TASP1: variants seen among roughly 807,000 people sequenced by gnomAD.
TASP1 encodes the protein threonine aspartase 1.
Under a neutral mutation model 56.6 loss-of-function variants are expected in TASP1, and 16 were observed. That is an observed-to-expected ratio of 0.28 (90% CI 0.19 to 0.43). TASP1 has a LOEUF of 0.43. Ranked by LOEUF, TASP1 falls within the 20% of genes least tolerant of loss-of-function variation. TASP1 has a pLI of 1.00. For synonymous variants in TASP1, 179 were observed against 184.2 expected (o/e 0.97, Z 0.23); for missense variants, 393 against 511.6 (o/e 0.77, Z 2.24).
At chr20:13,580,225 T>A (rs144934499) in intron 6 of TASP1, among the ~76,000 whole-genome samples, 1 of 152,194 alleles carries the variant, frequency 6.6e-6, no homozygotes, top group Non-Finnish European at 1.5e-5. Flanking sequence ...GGCAGGAGGA[T>A]TGCTTGAGTC....
intron 13 of TASP1, among the ~76,000 whole-genome samples, chr20:13,391,189 T>C (rs138291627): frequency 1.3e-3 from 199 of 152,270 alleles, no homozygotes; most frequent in African/African-American, 4.6e-3. Flanking sequence ...ATTTCTCCTA[T>C]AGTCTTTGTA....
At chr20:13,134,094 T>C in the TASP1 span, among the ~76,000 whole-genome samples, 2 of 152,148 alleles carry the variant, frequency 1.3e-5, no homozygotes, top group Admixed American at 1.3e-4. Flanking sequence ...ACTGTCACGG[T>C]CAGGTGTACG....
the TASP1 span, among the ~76,000 whole-genome samples, chr20:13,282,224 C>T: frequency 2.0e-5 from 3 of 152,094 alleles, no homozygotes; most frequent in Non-Finnish European, 4.4e-5. Flanking sequence ...TCCCAGGCAT[C>T]GTTGTCTTTT....
the TASP1 span, among the ~76,000 whole-genome samples, chr20:13,317,311 A>G: frequency 1.3e-5 from 2 of 152,026 alleles, no homozygotes; most frequent in Non-Finnish European, 2.9e-5. Flanking sequence ...AAGTAAATAA[A>G]TTGAGAGATA....
At chr20:13,428,785 C>T (rs2042702026) in intron 12 of TASP1, among the ~76,000 whole-genome samples, 1 of 151,412 alleles carries the variant, frequency 6.6e-6, no homozygotes, top group South Asian at 2.1e-4. Flanking sequence ...CCAACATTTC[C>T]AACCAATATT....
chr20:13,247,469 G>A, the TASP1 span, among the ~76,000 whole-genome samples: 4 of 151,684 alleles, frequency 2.6e-5, no homozygotes, highest in South Asian at 2.1e-4. Context: ...GGACACCTTC[G>A]CCGGATGCTG....
At chr20:13,281,886 T>A in the TASP1 span, among the ~76,000 whole-genome samples, 1 of 152,178 alleles carries the variant, frequency 6.6e-6, no homozygotes, top group Non-Finnish European at 1.5e-5. Flanking sequence ...AGTTGCATGT[T>A]TAAAAATGCC....
intron 8 of TASP1, among the ~76,000 whole-genome samples, chr20:13,543,591 A>T (rs1187787073): frequency 6.6e-6 from 1 of 152,002 alleles, no homozygotes; most frequent in African/African-American, 2.4e-5. Flanking sequence ...ACCCAGCGAG[A>T]CTCCATCTCA....
At chr20:13,492,461 T>C (rs1224730230) in intron 10 of TASP1, among the ~76,000 whole-genome samples, 1 of 152,202 alleles carries the variant, frequency 6.6e-6, no homozygotes, top group Non-Finnish European at 1.5e-5. Context: ...TTACTTCTGG[T>C]TTTCAAGCCT....
the TASP1 span, among the ~76,000 whole-genome samples, chr20:13,131,194 A>T: frequency 6.6e-6 from 1 of 152,218 alleles, no homozygotes. Flanking sequence ...ATATTTTTCA[A>T]GTAATCAATC....
At chr20:13,591,702 A>C (rs1432843334) in intron 4 of TASP1, among the ~76,000 whole-genome samples, 1 of 152,192 alleles carries the variant, frequency 6.6e-6, no homozygotes, top group Non-Finnish European at 1.5e-5. Context: ...TCTCATTTTC[A>C]AAGTGTTTCA....
At chr20:13,525,509 G>A (rs569410562) in intron 10 of TASP1, among the ~76,000 whole-genome samples, 9 of 152,246 alleles carry the variant, frequency 5.9e-5, no homozygotes, top group Admixed American at 2.0e-4. Context: ...TCAGGCTAAT[G>A]ACCAAATCAC....
chr20:13,209,809 AG>A, the TASP1 span, among the ~76,000 whole-genome samples: 3 of 152,212 alleles, frequency 2.0e-5, no homozygotes, highest in African/African-American at 7.2e-5. Flanking sequence ...TAACAAATAT[AG>A]TCAAACCCTA....
At chr20:13,634,573 T>G (rs552475508) in intron 1 of TASP1, among the ~76,000 whole-genome samples, 5 of 151,858 alleles carry the variant, frequency 3.3e-5, no homozygotes, top group Admixed American at 1.3e-4. Flanking sequence ...CTACTAAAAA[T>G]ACAAAAATTA....
chr20:13,181,384 G>C, the TASP1 span, among the ~76,000 whole-genome samples: 1 of 152,042 alleles, frequency 6.6e-6, no homozygotes, highest in African/African-American at 2.4e-5. Flanking sequence ...CTCCTCCCAC[G>C]TAAACTCCTG....
the TASP1 span, among the ~76,000 whole-genome samples, chr20:13,289,809 T>C: frequency 6.6e-6 from 1 of 152,196 alleles, no homozygotes; most frequent in Admixed American, 6.5e-5. Flanking sequence ...GTATTTCCCA[T>C]TGCCAGGTAG....
chr20:13,430,115 A>G (rs2042755164), intron 12 of TASP1, among the ~76,000 whole-genome samples: 1 of 152,202 alleles, frequency 6.6e-6, no homozygotes, highest in African/African-American at 2.4e-5. Context: ...AGGGTCCCCA[A>G]AAAGAGAATC....
chr20:13,164,644 T>A, the TASP1 span: 1 of 778,148 alleles, frequency 1.3e-6, no homozygotes, highest in East Asian at 2.7e-5. Flanking sequence ...TCAAAGAAGC[T>A]AGCAAACTAA....
intron 8 of TASP1, among the ~76,000 whole-genome samples, chr20:13,551,580 C>T (rs2045984286): frequency 6.6e-6 from 1 of 152,136 alleles, no homozygotes; most frequent in African/African-American, 2.4e-5. Flanking sequence ...CTGTTTGAAA[C>T]TGATATTTAT....
Sources: gnomAD v4.1 joint callset for allele counts (sites outside exome capture counted in the v4.1 genomes callset) on GRCh38, gnomAD v4.1.1 for gene constraint, MANE v1.5 for transcripts, NCBI Gene and HGNC (gene_info 2026-07-23, HGNC 2026-07-21) for gene names.